ADARB1: variants seen among roughly 807,000 people sequenced by gnomAD.
The protein encoded by ADARB1 is double-stranded RNA-specific editase 1.
A neutral mutation model predicts 52.4 loss-of-function variants in ADARB1; 10 were observed. That is an observed-to-expected ratio of 0.19 (90% CI 0.12 to 0.32). The LOEUF (loss-of-function observed/expected upper bound fraction) is 0.32. Ranked by LOEUF, ADARB1 falls within the 10% of genes least tolerant of loss-of-function variation. The pLI is 1.00. For synonymous variants in ADARB1, 349 were observed against 371.1 expected (o/e 0.94, Z 0.68); for missense variants, 643 against 922.3 (o/e 0.70, Z 3.92).
At chr21:45,187,391 A>C (rs1427123804) in intron 8 of ADARB1, among the ~76,000 whole-genome samples, 2 of 152,128 alleles carry the variant, frequency 1.3e-5, no homozygotes, top group Non-Finnish European at 2.9e-5. Flanking sequence ...GAATGTGTTT[A>C]TTATTTAAAC....
At chr21:45,164,208 T>A (rs1431571829) in intron 2 of ADARB1, among the ~76,000 whole-genome samples, 5 of 151,994 alleles carry the variant, frequency 3.3e-5, no homozygotes. Flanking sequence ...AGAGGATTGG[T>A]TTATTTTTAG....
chr21:45,165,100 A>G (rs2091192752), intron 2 of ADARB1, among the ~76,000 whole-genome samples: 1 of 152,026 alleles, frequency 6.6e-6, no homozygotes, highest in African/African-American at 2.4e-5. Context: ...CAGCCACCCT[A>G]GAGTTGCCTT....
chr21:45,170,671 A>G (rs993668550), intron 2 of ADARB1, among the ~76,000 whole-genome samples: 2 of 152,058 alleles, frequency 1.3e-5, no homozygotes, highest in Non-Finnish European at 2.9e-5. Flanking sequence ...TCTAAGAGCA[A>G]TGAATTTGCC....
intron 3 of ADARB1, 61 bp from the exon 4 acceptor site, chr21:45,175,669 T>C (rs1013733289): frequency 3.3e-5 from 51 of 1,530,544 alleles, no homozygotes; most frequent in Non-Finnish European, 4.6e-5. Flanking sequence ...AATCTATAAA[T>C]TTTGCATTTA....
intron 8 of ADARB1, among the ~76,000 whole-genome samples, chr21:45,197,386 G>A (rs1390034181): frequency 1.3e-5 from 2 of 151,770 alleles, no homozygotes; most frequent in African/African-American, 2.4e-5. Context: ...TGTAGTCCCA[G>A]CTACTCAGGA....
chr21:45,142,224 C>T lies in ADARB1; in HGVS notation c.-48+13651C>T, dbSNP rs548815934. ...AATTCAAGTGTCTCCTTTTTTTGGG[C>T]TCCTGCCTTCTTTTTGTTTTTCAAA... On this transcript the variant is annotated intron_variant, in intron 2 of 10. Transcript: ENST00000348831. This position sits in a 1 kb window ranked among gnomAD's most constrained non-coding sequence, Gnocchi z 4.0. Among the ~76,000 whole-genome samples, 17 of 152,332 alleles carry T rather than the reference C, an allele frequency of 1.1e-4. No individual in the cohort carries two copies. Among genetic ancestry groups the T allele is most frequent in the Admixed American group, 9.2e-4 (14 of 15,300 alleles).
At chr21:45,182,538 C>G in intron 5 of ADARB1, 47 bp from the exon 6 acceptor site, 1 of 1,560,066 alleles carries the variant, frequency 6.4e-7, no homozygotes, top group Non-Finnish European at 8.6e-7. Flanking sequence ...GTTAGGCAAA[C>G]ATTACTGTGA....
intron 8 of ADARB1, among the ~76,000 whole-genome samples, chr21:45,190,853 C>G (rs560977011): frequency 7.9e-5 from 12 of 152,352 alleles, no homozygotes; most frequent in African/African-American, 2.4e-4. Context: ...TCTTTTGTTT[C>G]CATCCCAAGA....
chr21:45,125,148 C>G (rs1330536515), intron 1 of ADARB1, among the ~76,000 whole-genome samples: 1 of 152,154 alleles, frequency 6.6e-6, no homozygotes, highest in East Asian at 1.9e-4. Context: ...AGCTTACAAG[C>G]TTTTTGGAAT....
intron 2 of ADARB1, among the ~76,000 whole-genome samples, chr21:45,166,453 A>G (rs2091259532): frequency 6.6e-6 from 1 of 152,172 alleles, no homozygotes; most frequent in Non-Finnish European, 1.5e-5. Flanking sequence ...AAGCATGTTC[A>G]TATGTCCCTG....
rs143606187 is a variant in ADARB1, at chr21:45,117,906, A to C, written c.-219-10496A>C. Among the ~76,000 whole-genome samples the C allele has an allele frequency of 5.0e-4, 76 of 152,270 alleles. 1 individual carries two copies. In the East Asian group the frequency reaches 0.015, roughly 29 times the overall value. On this transcript the variant is annotated intron_variant, in intron 1 of 10. Transcript: ENST00000348831. ...CTCTTAAGTTCTTCTTGTAGTCACC[A>C]TTATAGCTTTAACTTTTCTGTTTGT...
intron 2 of ADARB1, among the ~76,000 whole-genome samples, chr21:45,159,726 G>C (rs2090863039): frequency 6.6e-6 from 1 of 152,146 alleles, no homozygotes; most frequent in African/African-American, 2.4e-5. Context: ...AGCCTCTTCT[G>C]ACTTTTGGGA....
At chr21:45,216,331 C>A (rs2092861864) in intron 9 of ADARB1, among the ~76,000 whole-genome samples, 1 of 151,576 alleles carries the variant, frequency 6.6e-6, no homozygotes, top group Non-Finnish European at 1.5e-5. Flanking sequence ...TTAATTATTT[C>A]TTTTTTTTCC....
intron 2 of ADARB1, among the ~76,000 whole-genome samples, chr21:45,163,960 GCTT>G (rs1188537694): frequency 6.6e-6 from 1 of 152,200 alleles, no homozygotes; most frequent in Non-Finnish European, 1.5e-5. Context: ...TGGGCTGTGT[GCTT>G]TTTTTGCTGA....
chr21:45,185,135 A>G (rs774295179), intron 8 of ADARB1, 44 bp downstream of exon 8: 5 of 1,596,638 alleles, frequency 3.1e-6, no homozygotes, highest in Non-Finnish European at 4.3e-6. Flanking sequence ...TGCACACAGG[A>G]TTCATCCATA....
rs148005632 is a variant in ADARB1 at position 45,143,081 on chromosome 21, T to C, written c.-48+14508T>C. The stretch of plus-strand genomic sequence containing the variant: ...TGATGTTTAAATGAGCAAATGCATG[T>C]GTAGTGATTGGCAGGTGGCCATCGC... On this transcript the variant is annotated intron_variant, in intron 2 of 10. Coordinates refer to ENST00000348831, the MANE Select transcript of ADARB1 (RefSeq NM_001112.4). Among the ~76,000 whole-genome samples the C allele has an allele frequency of 8.4e-4, 128 of 152,310 alleles. 2 individuals carry two copies. The highest frequency in any genetic ancestry group is 2.6e-4 in the Non-Finnish European group (18 of 68,024).
intron 7 of ADARB1, among the ~76,000 whole-genome samples, chr21:45,184,292 G>A (rs1479267453): frequency 6.6e-6 from 1 of 152,030 alleles, no homozygotes; most frequent in Non-Finnish European, 1.5e-5. Flanking sequence ...CCCAGAATTA[G>A]CAAATGTTAG....
intron 9 of ADARB1, among the ~76,000 whole-genome samples, chr21:45,213,152 C>T (rs1602024002): frequency 6.6e-6 from 1 of 152,038 alleles, no homozygotes; most frequent in South Asian, 2.1e-4. Flanking sequence ...CAAAACCTAC[C>T]CAATCAGAAT....
intron 1 of ADARB1, among the ~76,000 whole-genome samples, chr21:45,123,836 C>T (rs1156338566): frequency 6.6e-6 from 1 of 151,400 alleles, no homozygotes; most frequent in Non-Finnish European, 1.5e-5. Context: ...CCTGGCCTCA[C>T]GTGATCCTCC....
Sources: gnomAD v4.1 joint callset for allele counts (sites outside exome capture counted in the v4.1 genomes callset) on GRCh38, gnomAD v4.1.1 for gene constraint, Gnocchi (gnomAD v3.1) non-coding constraint, MANE v1.5 for transcripts, NCBI Gene and HGNC (gene_info 2026-07-23, HGNC 2026-07-21) for gene names.